Variants in MSANTD2 observed in about 807,000 individuals in gnomAD.
The protein encoded by MSANTD2 is Myb/SANT DNA binding domain containing 2.
In MSANTD2, 19 loss-of-function variants were observed where a neutral mutation model predicts 52.6. The ratio of observed to expected loss-of-function variants is 0.36; its 90% CI spans 0.25 to 0.53. The LOEUF is 0.53. Ranked by LOEUF, MSANTD2 falls within the 20% of genes least tolerant of loss-of-function variation. The probability of loss-of-function intolerance (pLI) is 0.91; values close to 1 mark genes in which losing one functional copy is unlikely to be tolerated. For synonymous variants in MSANTD2, 291 were observed against 289.7 expected (o/e 1.00, Z -0.04); for missense variants, 558 against 716.3 (o/e 0.78, Z 2.52).
At chr11:124,787,776 T>C (rs1945206687) in intron 1 of MSANTD2, among the ~76,000 whole-genome samples, 1 of 152,188 alleles carries the variant, frequency 6.6e-6, no homozygotes, top group Non-Finnish European at 1.5e-5. Flanking sequence ...CCATAGCTTC[T>C]TTGACTTTTT....
intron 1 of MSANTD2, chr11:124,791,342 C>A: frequency 7.1e-7 from 1 of 1,405,512 alleles, no homozygotes; most frequent in Non-Finnish European, 1.0e-6. Context: ...GCCCCTACAG[C>A]TGCTCCGTGA....
intron 1 of MSANTD2, chr11:124,775,547 C>T (rs1944708988): frequency 6.6e-6 from 1 of 152,330 alleles, no homozygotes; most frequent in Non-Finnish European, 1.5e-5. Flanking sequence ...TTGTGGAAGC[C>T]GCTAAAATTT....
rs113936459 is a variant in MSANTD2 at position 124,766,983 on chromosome 11, G to C, written c.*193C>G. The C allele has an allele frequency of 6.3e-4, 351 of 559,354 alleles. 1 individual carries two copies. The highest frequency in any genetic ancestry group is 6.0e-3 in the African/African-American group (317 of 52,892). 34.6% of individuals were successfully genotyped at this position (559,354 alleles called of 1,614,324 possible). ...GCTATATATCTTGCTTGCTCAAAATGAGCATTTTCAGGTGAGGTCTGTTTT... is the reference window on the plus strand; with the variant it reads ...GCTATATATCTTGCTTGCTCAAAATCAGCATTTTCAGGTGAGGTCTGTTTT... On this transcript the variant is annotated 3_prime_UTR_variant, in exon 4 of 4. Transcript: ENST00000374979.
intron 2 of MSANTD2, 188 bp from the exon 3 acceptor site, chr11:124,773,242 T>C (rs1048832749): frequency 2.2e-6 from 1 of 444,720 alleles, no homozygotes; most frequent in Non-Finnish European, 4.0e-6. Context: ...TACATTTATA[T>C]GTAACATCAG....
intron 3 of MSANTD2, among the ~76,000 whole-genome samples, chr11:124,771,125 C>G (rs940138562): frequency 6.6e-6 from 1 of 152,232 alleles, no homozygotes; most frequent in Non-Finnish European, 1.5e-5. Context: ...ACCTTGGCCT[C>G]CCAAAGTGCT....
At chr11:124,786,446 G>A (rs898809551) in intron 1 of MSANTD2, among the ~76,000 whole-genome samples, 1 of 152,154 alleles carries the variant, frequency 6.6e-6, no homozygotes, top group Middle Eastern at 3.2e-3. Context: ...ATAAGGTAGT[G>A]AACATTCCAT....
chr11:124,782,250 C>T (rs938040653), intron 1 of MSANTD2, among the ~76,000 whole-genome samples: 5 of 150,854 alleles, frequency 3.3e-5, no homozygotes, highest in African/African-American at 9.8e-5. Context: ...GAGTCAAGAC[C>T]AGCCTGGTCA....
intron 1 of MSANTD2, among the ~76,000 whole-genome samples, chr11:124,797,290 G>A (rs1397606728): frequency 3.9e-5 from 6 of 152,156 alleles, no homozygotes; most frequent in African/African-American, 1.2e-4. Context: ...TTTGAGACCA[G>A]TCTAGGCAAC....
At chr11:124,787,961 G>A (rs979070906) in intron 1 of MSANTD2, among the ~76,000 whole-genome samples, 57 of 152,018 alleles carry the variant, frequency 3.7e-4, no homozygotes, top group Admixed American at 1.4e-3. Flanking sequence ...TGGGCTTAGT[G>A]CTGCATGCCT....
At chr11:124,780,015 C>T (rs906351704) in intron 1 of MSANTD2, among the ~76,000 whole-genome samples, 1 of 152,156 alleles carries the variant, frequency 6.6e-6, no homozygotes, top group Non-Finnish European at 1.5e-5. Flanking sequence ...ACTATTGTAA[C>T]TGTTAAAACT....
At chr11:124,773,790 A>G (rs1944632066) in intron 2 of MSANTD2, among the ~76,000 whole-genome samples, 1 of 152,184 alleles carries the variant, frequency 6.6e-6, no homozygotes, top group African/African-American at 2.4e-5. Flanking sequence ...TTTTATCTAA[A>G]GCTCAGGGAG....
At chr11:124,784,602 A>G in intron 1 of MSANTD2, 1 of 985,280 alleles carries the variant, frequency 1.0e-6, no homozygotes, top group Non-Finnish European at 1.2e-6. Flanking sequence ...GACTGTGCAG[A>G]GCAGGCTTCC....
At chr11:124,797,072 A>G (rs1471261569) in intron 1 of MSANTD2, among the ~76,000 whole-genome samples, 2 of 152,224 alleles carry the variant, frequency 1.3e-5, no homozygotes, top group Non-Finnish European at 2.9e-5. Context: ...CCTTAAATGC[A>G]GTATTCTTCA....
chr11:124,781,119 G>A (rs1411691263), intron 1 of MSANTD2, among the ~76,000 whole-genome samples: 3 of 151,080 alleles, frequency 2.0e-5, no homozygotes, highest in Admixed American at 6.6e-5. Context: ...AGAGGTGGAG[G>A]TTGCAGTGAG....
At chr11:124,798,961 AC>A (rs1379515626) in intron 1 of MSANTD2, among the ~76,000 whole-genome samples, 1 of 152,214 alleles carries the variant, frequency 6.6e-6, no homozygotes, top group African/African-American at 2.4e-5. Context: ...TGCCAATAAT[AC>A]AAATATGAAA....
At chr11:124,782,597 A>C (rs1415944642) in intron 1 of MSANTD2, among the ~76,000 whole-genome samples, 1 of 152,230 alleles carries the variant, frequency 6.6e-6, no homozygotes, top group Admixed American at 6.5e-5. Context: ...TGGCATATGA[A>C]AATTATCAAA....
chr11:124,794,384 T>C (rs895872329), intron 1 of MSANTD2, among the ~76,000 whole-genome samples: 8 of 152,228 alleles, frequency 5.3e-5, no homozygotes, highest in African/African-American at 1.9e-4. Context: ...GATGGTCTAT[T>C]CTTAGAGGAT....
At chr11:124,797,044 T>G (rs12099373) in intron 1 of MSANTD2, among the ~76,000 whole-genome samples, 5,410 of 152,322 alleles carry the variant, frequency 0.036, 307 homozygotes, top group African/African-American at 0.12. Flanking sequence ...TGCTGAAGAT[T>G]ACATTCACAC....
At chr11:124,786,558 G>T (rs1827854753) in intron 1 of MSANTD2, among the ~76,000 whole-genome samples, 2 of 152,194 alleles carry the variant, frequency 1.3e-5, no homozygotes, top group South Asian at 4.1e-4. Context: ...CTTTTTGGAG[G>T]AGTTGGTGAT....
Sources: allele counts gnomAD v4.1 joint callset (sites outside exome capture counted in the v4.1 genomes callset), GRCh38; gene constraint gnomAD v4.1.1; transcripts MANE v1.5; gene names NCBI Gene and HGNC (gene_info 2026-07-23, HGNC 2026-07-21).